Variants in TMBIM1 observed in about 807,000 individuals in gnomAD.
TMBIM1 encodes the protein protein lifeguard 3.
A neutral mutation model predicts 45.1 loss-of-function variants in TMBIM1; 34 were observed. The ratio of observed to expected loss-of-function variants is 0.75; its 90% CI spans 0.57 to 1.00. The LOEUF is 1.00. Ranked by LOEUF, TMBIM1 falls within the 50% of genes least tolerant of loss-of-function variation. TMBIM1 has a pLI of 0.00. For synonymous variants in TMBIM1, 157 were observed against 153.5 expected, an observed-to-expected ratio of 1.02 and a Z score of -0.17; for missense variants, 374 against 402.4, an observed-to-expected ratio of 0.93 and a Z score of 0.60.
chr2:218,281,700 G>C lies in TMBIM1; in HGVS notation c.202+240C>G, dbSNP rs7571476. On this transcript the variant is annotated intron_variant, in intron 2 of 11. Transcript: ENST00000258412. ...AGCCCCATTCTCCTGTGGTGTGTAC[G>C]TTCTGGGACATGCCTCATGGATCTC... 1.3e-5 allele frequency among the ~76,000 whole-genome samples: 2 copies of C among 152,144 alleles called. No homozygotes were observed. Among genetic ancestry groups the C allele is most frequent in the African/African-American group, 4.8e-5 (2 of 41,434 alleles).
intron 1 of TMBIM1, among the ~76,000 whole-genome samples, chr2:218,288,228 A>G (rs1692674309): frequency 6.6e-6 from 1 of 152,154 alleles, no homozygotes; most frequent in South Asian, 2.1e-4. Flanking sequence ...GGAGATCGAG[A>G]CCATCCTGGC....
At chr2:218,287,500 G>A (rs1245739792) in intron 1 of TMBIM1, among the ~76,000 whole-genome samples, 1 of 152,132 alleles carries the variant, frequency 6.6e-6, no homozygotes, top group East Asian at 1.9e-4. Context: ...ACGAGGTCAG[G>A]AGATCAAGAC....
At chr2:218,291,636 C>T (rs747587623) in intron 1 of TMBIM1, among the ~76,000 whole-genome samples, 3 of 152,240 alleles carry the variant, frequency 2.0e-5, no homozygotes, top group South Asian at 2.1e-4. Context: ...GAATTGGTGC[C>T]GACCCCACAA....
intron 1 of TMBIM1, among the ~76,000 whole-genome samples, chr2:218,282,527 G>A (rs903303284): frequency 2.6e-5 from 4 of 152,218 alleles, no homozygotes; most frequent in African/African-American, 9.7e-5. Flanking sequence ...TGGCTTGATG[G>A]CAGAACCAGC....
chr2:218,276,010 T>G lies in TMBIM1; in HGVS notation c.789+16A>C. 6.2e-7 allele frequency: 1 copy of G among 1,607,958 alleles called. No individual in the cohort carries two copies. Among genetic ancestry groups the G allele is most frequent in the Non-Finnish European group, 8.5e-7 (1 of 1,177,468 alleles). On this transcript the variant is annotated intron_variant, in intron 11 of 11. Transcript: ENST00000258412. ...ATCCCCTCAGCTCCCCTTCCTAGAGTGGGGCTGGGACTTACCAGGGTGAAA... is the reference window on the plus strand; with the variant it reads ...ATCCCCTCAGCTCCCCTTCCTAGAGGGGGGCTGGGACTTACCAGGGTGAAA...
chr2:218,279,679 A>T (rs1691665721), intron 3 of TMBIM1: 1 of 483,750 alleles, frequency 2.1e-6, no homozygotes, highest in Non-Finnish European at 3.7e-6. Context: ...TGAGATGGAG[A>T]GGGTGGGTTA....
intron 1 of TMBIM1, among the ~76,000 whole-genome samples, chr2:218,284,822 G>A (rs1692369841): frequency 6.6e-6 from 1 of 152,218 alleles, no homozygotes; most frequent in African/African-American, 2.4e-5. Flanking sequence ...TGGGCACAGT[G>A]GCTCACGCCT....
At chr2:218,276,781 A>G (rs901185386) in intron 10 of TMBIM1, among the ~76,000 whole-genome samples, 3 of 152,044 alleles carry the variant, frequency 2.0e-5, no homozygotes, top group African/African-American at 7.2e-5. Flanking sequence ...GATGCAGTCC[A>G]GGGCTTCAGG....
At position 218,275,346 on chromosome 2, in the gene TMBIM1, C is replaced by T. The variant is rs1307645286; in HGVS notation, c.*129G>A. ...CCAGAGAGGCCACCTGTCTCCAGGA[C>T]AGAAAGGAAACTGGGCATGTTACTC... On this transcript the variant is annotated 3_prime_UTR_variant, in exon 12 of 12. Coordinates refer to ENST00000258412, the MANE Select transcript of TMBIM1 (RefSeq NM_022152.6). 1 of 1,314,440 alleles carries T rather than the reference C, an allele frequency of 7.6e-7. No homozygotes were observed. The highest frequency in any genetic ancestry group is 1.5e-5 in the African/African-American group (1 of 67,108). 81.4% of individuals were successfully genotyped at this position (1,314,440 alleles called of 1,614,324 possible).
chr2:218,289,052 T>C (rs908183529), intron 1 of TMBIM1, among the ~76,000 whole-genome samples: 2 of 152,244 alleles, frequency 1.3e-5, no homozygotes, highest in Admixed American at 1.3e-4. Flanking sequence ...TTCAGCCTCT[T>C]TGCTTTTATA....
rs979496184 is a variant in TMBIM1 at position 218,281,890 on chromosome 2, C to G, written c.202+50G>C. On this transcript the variant is annotated intron_variant, in intron 2 of 11. Coordinates refer to ENST00000258412, the MANE Select transcript of TMBIM1 (RefSeq NM_022152.6). ...GCAGGAGGCGGTGGCCTCATCTGCT[C>G]CAAGTGCTGTCCCTCCCACCCACCT... 8 of 1,484,736 alleles carry G rather than the reference C, an allele frequency of 5.4e-6. No individual in the cohort carries two copies. In the East Asian group the frequency reaches 9.9e-5, roughly 18 times the overall value. 92.0% of individuals were successfully genotyped at this position (1,484,736 alleles called of 1,614,324 possible).
intron 1 of TMBIM1, among the ~76,000 whole-genome samples, chr2:218,290,473 C>T (rs1337773865): frequency 1.3e-5 from 2 of 152,212 alleles, no homozygotes; most frequent in African/African-American, 4.8e-5. Context: ...ACATGAAGTA[C>T]TAGACATGCC....
Position 218,277,404 on chromosome 2 carries a change from C to A in TMBIM1, c.601G>T (p.Val201Leu). ...VIIAMIITAVVSISVTIFCFQ... is the reference protein window; with the variant it reads ...VIIAMIITAVLSISVTIFCFQ... ...CAGAAGATGGTGACTGAAATGGATA[C>A]CACCGCAGTGATGATCATTGCAATG... Residue 201 changes from valine (V) to leucine (L), a missense_variant, in exon 9 of 12, where the codon GTA (valine) becomes TTA (leucine). Transcript: ENST00000258412. 2 of 1,614,140 alleles carry A rather than the reference C, an allele frequency of 1.2e-6. No homozygotes were observed. Among genetic ancestry groups the A allele is most frequent in the Non-Finnish European group, 8.5e-7 (1 of 1,180,024 alleles).
intron 1 of TMBIM1, among the ~76,000 whole-genome samples, chr2:218,291,510 C>T (rs1179126922): frequency 6.6e-6 from 1 of 152,174 alleles, no homozygotes; most frequent in African/African-American, 2.4e-5. Context: ...TGGCTCTGAC[C>T]TGCGTTCCCA....
At chr2:218,284,507 T>C (rs937366433) in intron 1 of TMBIM1, among the ~76,000 whole-genome samples, 2 of 152,250 alleles carry the variant, frequency 1.3e-5, no homozygotes, top group African/African-American at 4.8e-5. Flanking sequence ...CCACGGGGAC[T>C]CCAAGGTTCT....
At chr2:218,287,878 A>T (rs1471887770) in intron 1 of TMBIM1, among the ~76,000 whole-genome samples, 1 of 152,116 alleles carries the variant, frequency 6.6e-6, no homozygotes, top group Non-Finnish European at 1.5e-5. Context: ...GGACCCAGGC[A>T]CCGCAGCTCC....
At position 218,282,066 on chromosome 2, in the gene TMBIM1, A is replaced by G. The variant is rs1692072283; in HGVS notation, c.76T>C (p.Tyr26His). The G allele has an allele frequency of 6.3e-7, 1 of 1,592,018 alleles. No individual in the cohort carries two copies. The highest frequency in any genetic ancestry group is 8.6e-7 in the Non-Finnish European group (1 of 1,168,880). ...CCTGGCAGGACAGATGGCTGCCCAT[A>G]GCCCCCAGGGGGCGGAGGGCCTGGG... is the stretch of plus-strand genomic sequence containing the variant. The part of the protein sequence containing the change: ...LYPGPPPPGG[Y>H]GQPSVLPGGY... Residue 26 changes from tyrosine to histidine, a missense_variant, in exon 2 of 12, where the codon TAT (tyrosine) becomes CAT (histidine). Coordinates refer to ENST00000258412, the MANE Select transcript of TMBIM1 (RefSeq NM_022152.6).
intron 1 of TMBIM1, chr2:218,284,169 A>G (rs1158514523): frequency 7.0e-6 from 1 of 142,554 alleles, no homozygotes; most frequent in African/African-American, 2.7e-5. Context: ...ATCTCAAAAG[A>G]AAAAAAAAAA....
chr2:218,287,587 G>A lies in TMBIM1; in HGVS notation c.-41+4879C>T, dbSNP rs184845759. On this transcript the variant is annotated intron_variant, in intron 1 of 11. Coordinates refer to ENST00000258412, the MANE Select transcript of TMBIM1 (RefSeq NM_022152.6). ...TAGCTGGGCGTGATATCCCACACCT[G>A]AAGTCCCAGCTACTCGGGAGGCTGA... 3.2e-3 allele frequency among the ~76,000 whole-genome samples: 491 copies of A among 152,258 alleles called. 3 individuals carry two copies. Among genetic ancestry groups the A allele is most frequent in the African/African-American group, 0.01 (430 of 41,544 alleles).
Sources: gnomAD v4.1 joint callset for allele counts (sites outside exome capture counted in the v4.1 genomes callset) on GRCh38, gnomAD v4.1.1 for gene constraint, MANE v1.5 for transcripts, NCBI Gene and HGNC (gene_info 2026-07-23, HGNC 2026-07-21) for gene names.